Variants in ABCA6 observed in about 807,000 individuals in gnomAD.
The protein encoded by ABCA6 is ATP binding cassette subfamily A member 6, also known as ATP-binding cassette sub-family A member 6.
ABCA6 carries 164 observed loss-of-function variants against 191.2 expected under a neutral mutation model. The observed-to-expected ratio is 0.86, with a 90% CI of 0.76 to 0.98. The LOEUF is 0.98. ABCA6 is among the 50% of genes least tolerant of loss of function. ABCA6 has a pLI of 0.00. For synonymous variants in ABCA6, 636 were observed against 647.7 expected, an observed-to-expected ratio of 0.98 and a Z score of 0.27; for missense variants, 1,958 against 1,894.1, an observed-to-expected ratio of 1.03 and a Z score of -0.63.
In ABCA6 at chr17:69,116,873, C is replaced by T. The variant is rs142166091; in HGVS notation, c.1495+1025G>A. Among the ~76,000 whole-genome samples the T allele has an allele frequency of 9.1e-3, 1,390 of 152,134 alleles. 77 individuals carry two copies. Among genetic ancestry groups the T allele is most frequent in the Admixed American group, 0.084 (1,275 of 15,250 alleles). On this transcript the variant is annotated intron_variant, in intron 11 of 38. Transcript: ENST00000284425. ...ATTTTTAATGTGTTGATGTCCAATGCTTTTAATTTTTTAAGGTGCTGCTAT... is the reference window on the plus strand; with the variant it reads ...ATTTTTAATGTGTTGATGTCCAATGTTTTTAATTTTTTAAGGTGCTGCTAT...
rs560414209 is a variant in ABCA6 at position 69,110,865 on chromosome 17, T to C, written c.2208A>G (p.Leu736=). ...CAAGCTTTTCTTTGTTTTCTGTTTT[T>C]AATTTAGCATCGGGGATGTGATGAG... is the stretch of plus-strand genomic sequence containing the variant. ...FITHHIPDAK[L]KTENKEKLVY... Residue 736 remains leucine, a synonymous_variant, in exon 17 of 39, where the codon TTA becomes TTG. Coordinates refer to ENST00000284425, the MANE Select transcript of ABCA6 (RefSeq NM_080284.3). 1.2e-6 allele frequency: 2 copies of C among 1,612,230 alleles called. No homozygotes were observed. The highest frequency in any genetic ancestry group is 1.7e-6 in the Non-Finnish European group (2 of 1,179,064).
intron 26 of ABCA6, 21 bp downstream of exon 26, chr17:69,091,122 A>G (rs1029812906): frequency 7.5e-6 from 12 of 1,596,680 alleles, no homozygotes; most frequent in Middle Eastern, 1.8e-4. Context: ...AATTAATGAC[A>G]CAGTTGGTAA....
At chr17:69,080,939 A>C (rs2072615139) in intron 37 of ABCA6, 127 bp downstream of exon 37, 2 of 541,654 alleles carry the variant, frequency 3.7e-6, no homozygotes, top group Admixed American at 3.1e-5. Flanking sequence ...ACCTACAGTT[A>C]GAATTCTTAA....
Position 69,098,008 on chromosome 17 carries a change from G to A in ABCA6, c.3032C>T (p.Thr1011Ile). The change falls in exon 23 of 39, where the codon ACT becomes ATT. Residue 1011 changes from threonine (T) to isoleucine (I), a missense_variant. Physicochemically the swap from Thr to Ile is moderately conservative, Grantham distance 89. Coordinates refer to ENST00000284425, the MANE Select transcript of ABCA6 (RefSeq NM_080284.3). ...PFPLSHIGLW[T>I]GLPDGSFFLF... is the part of the protein sequence containing the mutation. ...GAAAAAGGAACCATCCGGCAACCCA[G>A]TCCAGAGTCCTATGTGGCTCTGAAA... The A allele has an allele frequency of 6.2e-7, 1 of 1,608,610 alleles. No individual in the cohort carries two copies. The highest frequency in any genetic ancestry group is 8.5e-7 in the Non-Finnish European group (1 of 1,178,264).
intron 2 of ABCA6, among the ~76,000 whole-genome samples, chr17:69,138,872 C>T (rs1287644157): frequency 4.6e-5 from 7 of 151,652 alleles, no homozygotes; most frequent in Admixed American, 2.6e-4. Flanking sequence ...ATAAATGGTG[C>T]TGGGAAAACT....
rs541957452 is a variant in ABCA6 at position 69,081,003 on chromosome 17, T to G, written c.4696+63A>C. 7.6e-6 allele frequency: 8 copies of G among 1,056,716 alleles called. No homozygotes were observed. In the East Asian group the frequency reaches 2.0e-4, roughly 26 times the overall value. The allele number at this position is 1,056,716 out of a possible 1,614,324, so 65.5% of individuals were successfully genotyped here. On this transcript the variant is annotated intron_variant, in intron 37 of 38. Transcript: ENST00000284425. ...AAATTGTTACACAATTAGCTTCCATTAAATTATTATTTTAGTATTAGTTGA... is the reference window on the plus strand; with the variant it reads ...AAATTGTTACACAATTAGCTTCCATGAAATTATTATTTTAGTATTAGTTGA...
At chr17:69,134,514 A>T in intron 5 of ABCA6, 125 bp downstream of exon 5, 1 of 685,528 alleles carries the variant, frequency 1.5e-6, no homozygotes, top group Non-Finnish European at 2.4e-6. Context: ...TTTACAAATT[A>T]CCCAATCTCA....
chr17:69,096,412 T>C (rs2073046941), intron 24 of ABCA6, 59 bp from the exon 25 acceptor site: 6 of 1,029,770 alleles, frequency 5.8e-6, no homozygotes, highest in Non-Finnish European at 6.7e-6. Context: ...AGGGAAAAAT[T>C]AGATTACAAC....
chr17:69,103,336 T>C (rs2073222152), intron 20 of ABCA6, among the ~76,000 whole-genome samples: 1 of 152,208 alleles, frequency 6.6e-6, no homozygotes, highest in South Asian at 2.1e-4. Context: ...AAACAGCCAA[T>C]GATAACACTC....
At position 69,096,798 on chromosome 17, in the gene ABCA6, T is replaced by C. The variant is rs143018743; in HGVS notation, c.3124A>G (p.Asn1042Asp). 12 of 1,522,490 alleles carry C rather than the reference T, an allele frequency of 7.9e-6. No individual in the cohort carries two copies. The African/African-American group carries it at 1.7e-4, about 22-fold the overall frequency. The allele number at this position is 1,522,490 out of a possible 1,614,324, so 94.3% of individuals were successfully genotyped here. Residue 1042 changes from asparagine (N) to aspartate (D), a missense_variant, in exon 24 of 39, where the codon AAT becomes GAT. Transcript: ENST00000284425. ...TMGSISDYKKNAKSQLWISGL... is the reference protein window; with the variant it reads ...TMGSISDYKKDAKSQLWISGL... ...GAAATCCATAGCTGGGACTTAGCAT[T>C]TTTCTGATTAAAAAAAAAAAGAAAG...
At position 69,134,724 on chromosome 17, in the gene ABCA6, T is replaced by C. The variant is rs1282965690; in HGVS notation, c.479A>G (p.Tyr160Cys). Residue 160 changes from tyrosine (Y) to cysteine (C), a missense_variant, in exon 5 of 39, where the codon TAT becomes TGT. Coordinates refer to ENST00000284425, the MANE Select transcript of ABCA6 (RefSeq NM_080284.3). ...EDFSAHCWDG[Y>C]GEFSCTLTKY... ...GGTCAATGTACATGAAAACTCACCATATCCATCCCAGCAATGAGCTGTAAG... is the reference window on the plus strand; with the variant it reads ...GGTCAATGTACATGAAAACTCACCACATCCATCCCAGCAATGAGCTGTAAG... 4.3e-6 allele frequency: 7 copies of C among 1,613,370 alleles called. No homozygotes were observed. Among genetic ancestry groups the C allele is most frequent in the African/African-American group, 1.3e-5 (1 of 74,870 alleles).
At chr17:69,083,178 G>A (rs1417420366) in intron 35 of ABCA6, 34 bp downstream of exon 35, 26 of 1,568,452 alleles carry the variant, frequency 1.7e-5, no homozygotes, top group Non-Finnish European at 2.1e-5. Flanking sequence ...ATCTCATTTT[G>A]AGCATCAAAT....
In ABCA6 at chr17:69,085,617, C is replaced by T. The variant is rs1164478981; in HGVS notation, c.4029+8G>A. 1 of 1,597,656 alleles carries T rather than the reference C, an allele frequency of 6.3e-7. No individual in the cohort carries two copies. On this transcript the variant is annotated splice_region_variant and intron_variant, in intron 31 of 38. Transcript: ENST00000284425. ...CTGTTTTGGAAATGGAAACCATTTC[C>T]TCACTACCTCTCCAGCAGTTGGCTT...
At chr17:69,111,942 T>G in intron 16 of ABCA6, 1 of 409,362 alleles carries the variant, frequency 2.4e-6, no homozygotes, top group Non-Finnish European at 4.4e-6. Flanking sequence ...CCTAGAAAAG[T>G]GGCACATGAA....
chr17:69,129,292 A>T (rs2073816284), intron 7 of ABCA6, among the ~76,000 whole-genome samples: 1 of 152,202 alleles, frequency 6.6e-6, no homozygotes, highest in South Asian at 2.1e-4. Flanking sequence ...AGGGAAAAAA[A>T]ATTGGGTCCA....
rs919237489 is a variant in ABCA6 at position 69,115,702 on chromosome 17, A to G, written c.1496-216T>C. ...TAAAATAATATGTTACTGGTGCAGG[A>G]TATAGTGACCAATGGAACAGAACAG... On this transcript the variant is annotated intron_variant, in intron 11 of 38. Transcript: ENST00000284425. 6.7e-5 allele frequency: 24 copies of G among 356,246 alleles called. No individual in the cohort carries two copies. The South Asian group carries it at 8.3e-4, about 12-fold the overall frequency. 22.1% of individuals were successfully genotyped at this position (356,246 alleles called of 1,614,324 possible).
chr17:69,112,922 AAAGAAT>A (rs2073456203), intron 15 of ABCA6: 1 of 203,982 alleles, frequency 4.9e-6, no homozygotes, highest in East Asian at 1.3e-4. Context: ...CTCTGATGCT[AAAGAAT>A]AAGTGTCTAT....
Position 69,114,883 on chromosome 17 carries a change from AT to A in ABCA6, c.1660del (p.Ile554SerfsTer4). ...AGGACAGACGCCAGTTATCTTTCTG[AT>A]TTCCTCCAAGTCTTGCATTTCAGAG... ...NLSEMQDLEE[I>X]RKITGVCPQF... On this transcript the variant is annotated frameshift_variant, in exon 13 of 39. Transcript: ENST00000284425. LOFTEE classifies it high-confidence loss of function. 1 of 1,612,456 alleles carries A rather than the reference AT, an allele frequency of 6.2e-7. No homozygotes were observed. Among genetic ancestry groups the A allele is most frequent in the East Asian group, 2.2e-5 (1 of 44,790 alleles).
At position 69,122,300 on chromosome 17, in the gene ABCA6, A is replaced by C. The variant is rs554785239; in HGVS notation, c.1436+939T>G. Among the ~76,000 whole-genome samples the C allele has an allele frequency of 9.2e-5, 14 of 152,214 alleles. No individual in the cohort carries two copies. The East Asian group carries it at 2.5e-3, about 27-fold the overall frequency. ...CTAAGTAAACATCTGTTAATAAATAAACGATTGCTATTTAAAGCGCTGATC... is the reference window on the plus strand; with the variant it reads ...CTAAGTAAACATCTGTTAATAAATACACGATTGCTATTTAAAGCGCTGATC... On this transcript the variant is annotated intron_variant, in intron 10 of 38. Coordinates refer to ENST00000284425, the MANE Select transcript of ABCA6 (RefSeq NM_080284.3).
Sources: allele counts gnomAD v4.1 joint callset (sites outside exome capture counted in the v4.1 genomes callset), GRCh38; gene constraint gnomAD v4.1.1; transcripts MANE v1.5; gene names NCBI Gene and HGNC (gene_info 2026-07-23, HGNC 2026-07-21).